Variants in COMMD10 observed in about 807,000 individuals in gnomAD.
COMMD10 encodes COMM domain-containing protein 10.
A neutral mutation model predicts 28.9 loss-of-function variants in COMMD10; 33 were observed. That is an observed-to-expected ratio of 1.14 (90% confidence interval 0.87 to 1.53). The LOEUF is 1.53. Ranked by LOEUF, COMMD10 falls within the 40% of genes most tolerant of loss-of-function variation. The pLI, the probability that COMMD10 is intolerant of heterozygous loss-of-function variation, is 0.00. For synonymous variants in COMMD10, 110 were observed against 81.7 expected, an observed-to-expected ratio of 1.35 and a Z score of -1.87; for missense variants, 310 against 233.4, an observed-to-expected ratio of 1.33 and a Z score of -2.14.
chr5:116,217,959 G>A, intron 5 of COMMD10: 1 of 788,926 alleles, frequency 1.3e-6, no homozygotes, highest in South Asian at 1.4e-5. Flanking sequence ...ATAAAACTTG[G>A]TAAAAATAGT....
At chr5:116,272,994 C>G (rs1209668381) in intron 5 of COMMD10, among the ~76,000 whole-genome samples, 1 of 151,772 alleles carries the variant, frequency 6.6e-6, no homozygotes, top group Non-Finnish European at 1.5e-5. Context: ...GGAAACTGCT[C>G]ATTTCTTTTG....
intron 5 of COMMD10, among the ~76,000 whole-genome samples, chr5:116,281,878 C>T (rs960972262): frequency 2.6e-5 from 4 of 151,822 alleles, no homozygotes; most frequent in Non-Finnish European, 5.9e-5. Context: ...ATGGCTCAGC[C>T]TCAGGCTACC....
At chr5:116,227,155 A>T (rs983269268) in intron 5 of COMMD10, among the ~76,000 whole-genome samples, 1 of 152,080 alleles carries the variant, frequency 6.6e-6, no homozygotes, top group African/African-American at 2.4e-5. Context: ...TCGCTTAAAA[A>T]GTATCACTAC....
intron 5 of COMMD10, among the ~76,000 whole-genome samples, chr5:116,254,597 G>A (rs1414476647): frequency 6.6e-5 from 10 of 151,750 alleles, no homozygotes; most frequent in Non-Finnish European, 1.3e-4. Context: ...TTTCCATGTA[G>A]TTGAGTGGTT....
intron 5 of COMMD10, among the ~76,000 whole-genome samples, chr5:116,155,545 T>C (rs1464054808): frequency 1.3e-5 from 2 of 152,092 alleles, no homozygotes; most frequent in Non-Finnish European, 2.9e-5. Flanking sequence ...TAAACAGACA[T>C]CCTGTGTATT....
chr5:116,176,322 T>A (rs1353937936), intron 5 of COMMD10, among the ~76,000 whole-genome samples: 2 of 152,138 alleles, frequency 1.3e-5, no homozygotes, highest in Non-Finnish European at 2.9e-5. Flanking sequence ...CCAGGCTGAC[T>A]AGGCTGGACT....
At chr5:116,178,943 C>A (rs1489536422) in intron 5 of COMMD10, among the ~76,000 whole-genome samples, 1 of 151,950 alleles carries the variant, frequency 6.6e-6, no homozygotes, top group Non-Finnish European at 1.5e-5. Context: ...TAATAATATA[C>A]CTGAACCAGA....
intron 1 of COMMD10, among the ~76,000 whole-genome samples, chr5:116,087,258 C>T (rs1188381854): frequency 6.6e-6 from 1 of 152,110 alleles, no homozygotes. Flanking sequence ...GTTTGGTTTG[C>T]CCAAAAGAAA....
At chr5:116,220,451 G>T (rs1348150134) in intron 5 of COMMD10, among the ~76,000 whole-genome samples, 2 of 151,878 alleles carry the variant, frequency 1.3e-5, no homozygotes, top group East Asian at 3.9e-4. Context: ...TGGAAGAGGT[G>T]AACATCGTAG....
chr5:116,123,330 G>A (rs13357714), intron 4 of COMMD10, among the ~76,000 whole-genome samples: 1,535 of 152,214 alleles, frequency 0.01, 30 homozygotes, highest in African/African-American at 0.035. Context: ...AGATAATCAT[G>A]TGGTTTTTGT....
chr5:116,106,968 C>T (rs1750859588), intron 4 of COMMD10, among the ~76,000 whole-genome samples: 1 of 152,146 alleles, frequency 6.6e-6, no homozygotes, highest in South Asian at 2.1e-4. Context: ...GGGCATTTAG[C>T]TCAGTCACAT....
In COMMD10 at chr5:116,255,006, G is replaced by A. The variant is rs560375681; in HGVS notation, c.511-36511G>A. On this transcript the variant is annotated intron_variant, in intron 5 of 6. Coordinates refer to ENST00000274458, the MANE Select transcript of COMMD10 (RefSeq NM_016144.4). Reference sequence around the variant, plus strand: ...CCTGTATTGGGTGCATATATATTTAGGATAGTTAGCTCTTCTTGTTGAATT... The same window carrying A: ...CCTGTATTGGGTGCATATATATTTAAGATAGTTAGCTCTTCTTGTTGAATT... Among the ~76,000 whole-genome samples, 64 of 151,624 alleles carry A rather than the reference G, an allele frequency of 4.2e-4. 2 individuals carry two copies. Among genetic ancestry groups the A allele is most frequent in the African/African-American group, 1.6e-3 (64 of 41,006 alleles).
intron 5 of COMMD10, among the ~76,000 whole-genome samples, chr5:116,201,089 G>T (rs1748653716): frequency 1.3e-5 from 2 of 152,020 alleles, no homozygotes; most frequent in Admixed American, 6.6e-5. Context: ...GCTGGAGTTG[G>T]GTATTTTCTT....
chr5:116,227,493 A>G (rs780886842), intron 5 of COMMD10, among the ~76,000 whole-genome samples: 1 of 151,944 alleles, frequency 6.6e-6, no homozygotes, highest in Non-Finnish European at 1.5e-5. Context: ...TTCAATTTAT[A>G]CATCCTGCCA....
intron 2 of COMMD10, among the ~76,000 whole-genome samples, chr5:116,090,762 G>C (rs555242873): frequency 6.6e-6 from 1 of 152,302 alleles, no homozygotes; most frequent in African/African-American, 2.4e-5. Flanking sequence ...TGAGATTTCT[G>C]TTTGCTCTGG....
intron 5 of COMMD10, among the ~76,000 whole-genome samples, chr5:116,173,364 A>C (rs1273852516): frequency 6.6e-6 from 1 of 152,128 alleles, no homozygotes; most frequent in African/African-American, 2.4e-5. Context: ...TATATAAGCC[A>C]ATTTAAGCAA....
intron 4 of COMMD10, among the ~76,000 whole-genome samples, chr5:116,104,888 G>C (rs1190321554): frequency 6.6e-6 from 1 of 152,124 alleles, no homozygotes; most frequent in African/African-American, 2.4e-5. Context: ...CAAAGTGCTG[G>C]GATTACAGGC....
At chr5:116,186,819 A>G (rs1049635392) in intron 5 of COMMD10, among the ~76,000 whole-genome samples, 2 of 152,186 alleles carry the variant, frequency 1.3e-5, no homozygotes, top group African/African-American at 4.8e-5. Flanking sequence ...CCTTAGCAGC[A>G]TAATGAATTT....
At position 116,268,926 on chromosome 5, in the gene COMMD10, A is replaced by G. The variant is rs886631387; in HGVS notation, c.511-22591A>G. The stretch of plus-strand genomic sequence containing the variant: ...AACACTTGGACACAGAGAGAGGAAC[A>G]TCACAAACCGGAGCCTGTTGTGGGG... On this transcript the variant is annotated intron_variant, in intron 5 of 6. Coordinates refer to ENST00000274458, the MANE Select transcript of COMMD10 (RefSeq NM_016144.4). Among the ~76,000 whole-genome samples, 2 of 151,336 alleles carry G rather than the reference A, an allele frequency of 1.3e-5. 1 individual carries two copies. Among genetic ancestry groups the G allele is most frequent in the Non-Finnish European group, 2.9e-5 (2 of 67,986 alleles).
Sources: allele counts gnomAD v4.1 joint callset (sites outside exome capture counted in the v4.1 genomes callset), GRCh38; gene constraint gnomAD v4.1.1; transcripts MANE v1.5; gene names NCBI Gene and HGNC (gene_info 2026-07-23, HGNC 2026-07-21).